UNC13B: variants seen among roughly 807,000 people sequenced by gnomAD.
The protein encoded by UNC13B is unc-13 homolog B.
UNC13B carries 144 observed loss-of-function variants against 211.0 expected under a neutral mutation model. The observed-to-expected ratio is 0.68, with a 90% CI of 0.60 to 0.78. The LOEUF (loss-of-function observed/expected upper bound fraction) is 0.78, where lower values mean the gene tolerates loss of function less well. UNC13B is among the 30% of genes least tolerant of loss of function. The pLI is 0.00. For missense variants in UNC13B, 1,777 were observed against 2,002.0 expected, an observed-to-expected ratio of 0.89 and a Z score of 2.14; for synonymous variants, 709 against 725.8, an observed-to-expected ratio of 0.98 and a Z score of 0.37.
intron 1 of UNC13B, among the ~76,000 whole-genome samples, chr9:35,200,635 T>C (rs1258419229): frequency 1.3e-5 from 2 of 152,180 alleles, no homozygotes; most frequent in African/African-American, 4.8e-5. Context: ...GGCTTACTGT[T>C]TGTCTGTTAT....
At chr9:35,284,606 T>C (rs1370864238) in intron 7 of UNC13B, among the ~76,000 whole-genome samples, 1 of 152,194 alleles carries the variant, frequency 6.6e-6, no homozygotes, top group African/African-American at 2.4e-5. Flanking sequence ...TGGTGAATAG[T>C]TTTTTGTTAT....
intron 1 of UNC13B, among the ~76,000 whole-genome samples, chr9:35,204,647 G>A (rs77170755): frequency 3.9e-5 from 6 of 152,164 alleles, no homozygotes; most frequent in East Asian, 1.9e-4. Context: ...TGGGACTTGC[G>A]TGGGGCCTAT....
chr9:35,316,369 C>T (rs898967492), intron 11 of UNC13B, among the ~76,000 whole-genome samples: 1 of 152,096 alleles, frequency 6.6e-6, no homozygotes. Flanking sequence ...GTGCTCAAAT[C>T]GTTCTGGCTT....
chr9:35,222,354 T>TA (rs1824609891), intron 1 of UNC13B, among the ~76,000 whole-genome samples: 1 of 152,236 alleles, frequency 6.6e-6, no homozygotes, highest in South Asian at 2.1e-4. Flanking sequence ...GTTTTTAACT[T>TA]ACAGGCCTTA....
chr9:35,187,995 C>T (rs759395501), intron 1 of UNC13B, among the ~76,000 whole-genome samples: 2 of 152,160 alleles, frequency 1.3e-5, no homozygotes, highest in Non-Finnish European at 2.9e-5. Flanking sequence ...GTATAACTTA[C>T]TCAATTATTA....
At chr9:35,361,789 A>G (rs1282055456) in intron 11 of UNC13B, 1 of 152,248 alleles carries the variant, frequency 6.6e-6, no homozygotes, top group Non-Finnish European at 1.5e-5. Flanking sequence ...TGGGAAGGAA[A>G]GCAGACAGAA....
intron 7 of UNC13B, among the ~76,000 whole-genome samples, chr9:35,282,230 C>A (rs534333095): frequency 1.3e-5 from 2 of 152,176 alleles, no homozygotes; most frequent in African/African-American, 4.8e-5. Context: ...TGCCAACCAC[C>A]CCAGAAAGCC....
At chr9:35,243,170 A>G in intron 5 of UNC13B, 121 bp from the exon 6 acceptor site, 1 of 912,500 alleles carries the variant, frequency 1.1e-6, no homozygotes. Flanking sequence ...CCATCAGTTA[A>G]AACTTGTGCA....
intron 1 of UNC13B, among the ~76,000 whole-genome samples, chr9:35,226,208 A>G (rs1587412773): frequency 6.6e-6 from 1 of 152,158 alleles, no homozygotes; most frequent in East Asian, 1.9e-4. Context: ...GATGTGGCCC[A>G]GCATTCTGTG....
At chr9:35,264,776 A>G (rs1419420526) in intron 7 of UNC13B, among the ~76,000 whole-genome samples, 1 of 152,202 alleles carries the variant, frequency 6.6e-6, no homozygotes. Flanking sequence ...TATCAAGCCA[A>G]AGAGAATTAT....
intron 10 of UNC13B, among the ~76,000 whole-genome samples, chr9:35,313,411 G>T: frequency 6.6e-6 from 1 of 152,014 alleles, no homozygotes; most frequent in Non-Finnish European, 1.5e-5. Context: ...GATTGCTTGT[G>T]CTCAGGAGTT....
chr9:35,316,184 A>G (rs1410978942), intron 11 of UNC13B, among the ~76,000 whole-genome samples: 2 of 152,166 alleles, frequency 1.3e-5, no homozygotes, highest in Non-Finnish European at 2.9e-5. Context: ...ATGGTTGCCA[A>G]TTGGTAACTT....
intron 7 of UNC13B, among the ~76,000 whole-genome samples, chr9:35,287,804 T>G (rs113568900): frequency 3.3e-5 from 5 of 152,304 alleles, no homozygotes; most frequent in African/African-American, 1.2e-4. Context: ...AACTTCCAAG[T>G]CTGTTCCACA....
intron 11 of UNC13B, among the ~76,000 whole-genome samples, chr9:35,319,940 C>A (rs1386072335): frequency 6.6e-6 from 1 of 152,172 alleles, no homozygotes; most frequent in Non-Finnish European, 1.5e-5. Context: ...GGATTACAGG[C>A]ATGATTATAG....
At position 35,308,197 on chromosome 9, in the gene UNC13B, C is replaced by G; in HGVS notation, c.8793C>G (p.Ile2931Met). 1 of 399,830 alleles carries G rather than the reference C, an allele frequency of 2.5e-6. No homozygotes were observed. The highest frequency in any genetic ancestry group is 3.6e-5 in the East Asian group (1 of 28,102). The allele number at this position is 399,830 out of a possible 1,614,324, so 24.8% of individuals were successfully genotyped here. The change falls in exon 9 of 40, where the codon ATC becomes ATG. Residue 2931 changes from isoleucine to methionine, a missense_variant. By Grantham distance (10) the Ile-to-Met change is conservative (BLOSUM62 1). Coordinates refer to ENST00000635942, the MANE Select transcript of UNC13B (RefSeq NM_001371189.2). ...GSGEGGNQQEISASGEHWDTK... is the reference protein window; with the variant it reads ...GSGEGGNQQEMSASGEHWDTK... Reference sequence around the variant, plus strand: ...GAGAAGGGGGAAACCAGCAGGAAATCTCAGCATCTGGAGAACACTGGGATA... The same window carrying G: ...GAGAAGGGGGAAACCAGCAGGAAATGTCAGCATCTGGAGAACACTGGGATA...
At chr9:35,314,439 G>A (rs1396470451) in intron 11 of UNC13B, among the ~76,000 whole-genome samples, 2 of 152,024 alleles carry the variant, frequency 1.3e-5, no homozygotes, top group East Asian at 3.9e-4. Context: ...CTGAAACAAC[G>A]TCAAAAAAAT....
chr9:35,301,569 T>A lies in UNC13B; in HGVS notation c.2165T>A (p.Met722Lys). Residue 722 changes from methionine to lysine, a missense_variant, in exon 9 of 40, where the codon ATG (methionine) becomes AAG (lysine). Physicochemically the swap from Met to Lys is moderately conservative, Grantham distance 95. Transcript: ENST00000635942. ...GAAGAAACTACGGGCTGGTTCCAGA[T>A]GCCCACAAGTGAGAATTTGTTGTCC... is the stretch of plus-strand genomic sequence containing the variant. ...SDEETTGWFQ[M>K]PTSENLLSSQ... 2.5e-6 allele frequency: 1 copy of A among 398,910 alleles called. No homozygotes were observed. Among genetic ancestry groups the A allele is most frequent in the Non-Finnish European group, 4.4e-6 (1 of 225,952 alleles). The allele number at this position is 398,910 out of a possible 1,614,324, so 24.7% of individuals were successfully genotyped here.
At position 35,264,318 on chromosome 9, in the gene UNC13B, T is replaced by TTAA. The variant is rs926494353; in HGVS notation, c.526+5281_526+5283dup. Among the ~76,000 whole-genome samples the TTAA allele has an allele frequency of 3.3e-5, 5 of 152,136 alleles. No homozygotes were observed. The East Asian group carries it at 7.7e-4, about 24-fold the overall frequency. ...TTTGTGAGATCTCAGATAGAAGCAG[T>TTAA]TAATAATAATAATAAGGAAATAACT... On this transcript the variant is annotated intron_variant, in intron 7 of 39. Transcript: ENST00000635942.
chr9:35,315,345 A>G (rs1168131717), intron 11 of UNC13B, among the ~76,000 whole-genome samples: 1 of 152,196 alleles, frequency 6.6e-6, no homozygotes, highest in Non-Finnish European at 1.5e-5. Context: ...TCATGCTCAC[A>G]TATGTGCACA....
Sources: gnomAD v4.1 joint callset for allele counts (sites outside exome capture counted in the v4.1 genomes callset) on GRCh38, gnomAD v4.1.1 for gene constraint, MANE v1.5 for transcripts, NCBI Gene and HGNC (gene_info 2026-07-23, HGNC 2026-07-21) for gene names.